GATA4: variants seen among roughly 807,000 people sequenced by gnomAD.
GATA4 encodes transcription factor GATA-4.
In GATA4, 7 loss-of-function variants were observed where a neutral mutation model predicts 37.9. That is an observed-to-expected ratio of 0.18 (90% CI 0.11 to 0.35). The LOEUF (loss-of-function observed/expected upper bound fraction) is 0.35, where lower values mean the gene tolerates loss of function less well. GATA4 is among the 10% of genes least tolerant of loss of function. The probability of loss-of-function intolerance (pLI) is 1.00; values close to 1 mark genes in which losing one functional copy is unlikely to be tolerated. For synonymous variants in GATA4, 372 were observed against 292.6 expected (o/e 1.27, Z -2.77); for missense variants, 647 against 653.0 (o/e 0.99, Z 0.10).
upstream of GATA4, chr8:11,700,478 A>G (rs1224360726): frequency 6.6e-6 from 1 of 152,316 alleles, no homozygotes; most frequent in East Asian, 1.9e-4. Flanking sequence ...GTGGCCTTGC[A>G]GCTGAATTCG....
intron 2 of GATA4, among the ~76,000 whole-genome samples, chr8:11,747,305 G>A (rs527386983): frequency 2.0e-5 from 3 of 152,318 alleles, no homozygotes; most frequent in Admixed American, 1.3e-4. Flanking sequence ...CCTGTCTCAC[G>A]AGGGTGAGGA....
At chr8:11,687,189 C>A (rs889929360) in intron 1 of GATA4, among the ~76,000 whole-genome samples, 8 of 152,138 alleles carry the variant, frequency 5.3e-5, no homozygotes, top group Non-Finnish European at 1.5e-5. Flanking sequence ...AAAAACGCTT[C>A]ATTCTCTGCT....
chr8:11,684,498 A>T (rs773768489), intron 1 of GATA4, among the ~76,000 whole-genome samples: 42 of 152,202 alleles, frequency 2.8e-4, no homozygotes, highest in Non-Finnish European at 4.8e-4. Context: ...TGTTCTGGAA[A>T]CCTTTTAGAT....
At position 11,714,938 on chromosome 8, in the gene GATA4, C is replaced by G. The variant is rs780751759; in HGVS notation, c.616+6010C>G. On this transcript the variant is annotated intron_variant, in intron 2 of 6. Coordinates refer to ENST00000532059, the MANE Select transcript of GATA4 (RefSeq NM_001308093.3). ...AATTGCAAAGTAGACAGCCTGGACTCCGGAATTTTCACTTCTAGGGATTTG... is the reference window on the plus strand; with the variant it reads ...AATTGCAAAGTAGACAGCCTGGACTGCGGAATTTTCACTTCTAGGGATTTG... 7.2e-5 allele frequency among the ~76,000 whole-genome samples: 11 copies of G among 152,222 alleles called. 1 individual carries two copies. Among genetic ancestry groups the G allele is most frequent in the Admixed American group, 4.6e-4 (7 of 15,296 alleles).
At chr8:11,694,009 T>C (rs1799428650) in intron 1 of GATA4, among the ~76,000 whole-genome samples, 1 of 152,088 alleles carries the variant, frequency 6.6e-6, no homozygotes. Context: ...TTAAAAGCAA[T>C]GTGTTCCTTG....
intron 2 of GATA4, among the ~76,000 whole-genome samples, chr8:11,743,202 T>A (rs1024013049): frequency 2.0e-5 from 3 of 152,258 alleles, no homozygotes; most frequent in African/African-American, 7.2e-5. Context: ...GTAGTGATTA[T>A]TTTTGAGTTG....
At chr8:11,747,037 C>T (rs1035397059) in intron 2 of GATA4, among the ~76,000 whole-genome samples, 1 of 152,196 alleles carries the variant, frequency 6.6e-6, no homozygotes, top group Non-Finnish European at 1.5e-5. Context: ...TAGCAAAATG[C>T]GCAACCTCAA....
Position 11,708,948 on chromosome 8 carries a change from C to A in GATA4, c.616+20C>A. The A allele has an allele frequency of 6.6e-7, 1 of 1,519,224 alleles. No homozygotes were observed. The highest frequency in any genetic ancestry group is 8.8e-7 in the Non-Finnish European group (1 of 1,140,330). 94.1% of individuals were successfully genotyped at this position (1,519,224 alleles called of 1,614,324 possible). On this transcript the variant is annotated intron_variant, in intron 2 of 6. Coordinates refer to ENST00000532059, the MANE Select transcript of GATA4 (RefSeq NM_001308093.3). This position sits in a 1 kb window ranked among gnomAD's most constrained non-coding sequence, Gnocchi z 6.7. ...ATCTCGGTGAGTAGGAGCGCGAGGGCTGGGGCGCGTGAGGGCCGGGGCAGG... is the reference window on the plus strand; with the variant it reads ...ATCTCGGTGAGTAGGAGCGCGAGGGATGGGGCGCGTGAGGGCCGGGGCAGG...
Position 11,709,956 on chromosome 8 carries a change from G to C in GATA4, c.616+1028G>C, listed in dbSNP as rs1238972323. On this transcript the variant is annotated intron_variant, in intron 2 of 6. Coordinates refer to ENST00000532059, the MANE Select transcript of GATA4 (RefSeq NM_001308093.3). This position sits in a 1 kb window ranked among gnomAD's most constrained non-coding sequence, Gnocchi z 4.3. ...AGTTTGGATTGAGCCCACCCTGTGGGGGAGGGGAAGCCCAGGCTTGAGAAG... is the reference window on the plus strand; with the variant it reads ...AGTTTGGATTGAGCCCACCCTGTGGCGGAGGGGAAGCCCAGGCTTGAGAAG... Among the ~76,000 whole-genome samples the C allele has an allele frequency of 6.6e-6, 1 of 152,206 alleles. No homozygotes were observed. Among genetic ancestry groups the C allele is most frequent in the East Asian group, 1.9e-4 (1 of 5,190 alleles).
In GATA4 at chr8:11,749,785, C is replaced by G. The variant is rs1378119897; in HGVS notation, c.787-326C>G. On this transcript the variant is annotated intron_variant, in intron 3 of 6. Transcript: ENST00000532059. This position sits in a 1 kb window ranked among gnomAD's most constrained non-coding sequence, Gnocchi z 4.6. ...GGCACCTGCAGCCCCGGTCAGTTCT[C>G]CTCTCAGGAGAAGCTTTCCTGCCGG... 6.6e-6 allele frequency among the ~76,000 whole-genome samples: 1 copy of G among 152,222 alleles called. No individual in the cohort carries two copies. Among genetic ancestry groups the G allele is most frequent in the African/African-American group, 2.4e-5 (1 of 41,460 alleles).
At chr8:11,742,111 C>T (rs1207734284) in intron 2 of GATA4, among the ~76,000 whole-genome samples, 1 of 152,164 alleles carries the variant, frequency 6.6e-6, no homozygotes, top group Non-Finnish European at 1.5e-5. Context: ...ACTATGAGCA[C>T]AGACCAGGCA....
chr8:11,750,280 C>A (rs1203349780), intron 4 of GATA4, 44 bp downstream of exon 4: 2 of 1,607,596 alleles, frequency 1.2e-6, no homozygotes, highest in Admixed American at 1.7e-5. Flanking sequence ...CCTTCTGATG[C>A]CCATCTCTCA....
At chr8:11,733,049 TTTCA>T (rs1432500340) in intron 2 of GATA4, among the ~76,000 whole-genome samples, 1 of 152,230 alleles carries the variant, frequency 6.6e-6, no homozygotes, top group Non-Finnish European at 1.5e-5. Flanking sequence ...GCGGCAATGT[TTTCA>T]TTATTTGCAG....
intron 2 of GATA4, among the ~76,000 whole-genome samples, chr8:11,745,411 C>CAAAAAAAAAAAAA (rs3030049): frequency 9.6e-6 from 1 of 104,036 alleles, no homozygotes; most frequent in African/African-American, 4.7e-5. Context: ...TTGTCTCTAC[C>CAAAAAAAAAAAAA]AAAAAAAAAA....
At chr8:11,752,294 T>A (rs772334222) in intron 4 of GATA4, among the ~76,000 whole-genome samples, 2 of 152,222 alleles carry the variant, frequency 1.3e-5, no homozygotes, top group Non-Finnish European at 2.9e-5. Context: ...TGTATTAGTC[T>A]GTTTTCACAC....
chr8:11,736,842 G>T (rs772357102), intron 2 of GATA4, among the ~76,000 whole-genome samples: 2 of 152,146 alleles, frequency 1.3e-5, no homozygotes, highest in Non-Finnish European at 2.9e-5. Context: ...AAGTCATCTG[G>T]TCTAACACCT....
rs566155371 is a variant in GATA4, at chr8:11,746,353, G to A, written c.617-2563G>A. On this transcript the variant is annotated intron_variant, in intron 2 of 6. Transcript: ENST00000532059. Reference sequence around the variant, plus strand: ...CCACTACACTCCGGCTTGGGTGAGAGTGAACCCGGTCTCTAAAGAGCAAAA... The same window carrying A: ...CCACTACACTCCGGCTTGGGTGAGAATGAACCCGGTCTCTAAAGAGCAAAA... Among the ~76,000 whole-genome samples the A allele has an allele frequency of 2.6e-5, 4 of 152,320 alleles. No homozygotes were observed. In the South Asian group the frequency reaches 8.3e-4, roughly 32 times the overall value.
Position 11,708,310 on chromosome 8 carries a change from A to G in GATA4, c.-3A>G, listed in dbSNP as rs1799986183. The G allele has an allele frequency of 6.3e-7, 1 of 1,583,128 alleles. No individual in the cohort carries two copies. Among genetic ancestry groups the G allele is most frequent in the Admixed American group, 1.7e-5 (1 of 58,144 alleles). On this transcript the variant is annotated 5_prime_UTR_variant, in exon 2 of 7. Transcript: ENST00000532059. The surrounding 1 kb of genome is among the most constrained non-coding windows in gnomAD (Gnocchi z 6.7). ...ACACCGAAGCCGGGAGCTCGCAGGG[A>G]CCATGTATCAGAGCTTGGCCATGGC...
rs1003636786 is a variant in GATA4, at chr8:11,681,173, G to A, written c.-274+4110G>A. The A allele has an allele frequency of 1.0e-5, 10 of 985,262 alleles. No homozygotes were observed. The African/African-American group carries it at 1.7e-4, about 17-fold the overall frequency. 61.0% of individuals were successfully genotyped at this position (985,262 alleles called of 1,614,324 possible). On this transcript the variant is annotated intron_variant, in intron 1 of 6. Coordinates refer to the GATA4 transcript ENST00000528712. ...GCTCCGTTCTGTTCGCAGAACCTTC[G>A]GGGGTTAGTCACAGGCCCTGGCCCG...
Sources: gnomAD v4.1 joint callset for allele counts (sites outside exome capture counted in the v4.1 genomes callset) on GRCh38, gnomAD v4.1.1 for gene constraint, Gnocchi (gnomAD v3.1) non-coding constraint, MANE v1.5 for transcripts, NCBI Gene and HGNC (gene_info 2026-07-23, HGNC 2026-07-21) for gene names.